Variants in DNAJC10 observed in about 807,000 individuals in gnomAD.
The protein encoded by DNAJC10 is DnaJ heat shock protein family (Hsp40) member C10.
DNAJC10 carries 101 observed loss-of-function variants against 115.0 expected under a neutral mutation model. The ratio of observed to expected loss-of-function variants is 0.88; its 90% CI spans 0.75 to 1.04. The LOEUF (loss-of-function observed/expected upper bound fraction) is 1.04, where lower values mean the gene tolerates loss of function less well. DNAJC10 is among the 50% of genes least tolerant of loss of function. DNAJC10 has a pLI of 0.00. For synonymous variants in DNAJC10, 307 were observed against 301.5 expected, an observed-to-expected ratio of 1.02 and a Z score of -0.19; for missense variants, 981 against 928.8, an observed-to-expected ratio of 1.06 and a Z score of -0.73.
rs557108088 is a variant in DNAJC10, at chr2:182,748,962, G to A, written c.1307-2696G>A. Among the ~76,000 whole-genome samples, 630 of 151,196 alleles carry A rather than the reference G, an allele frequency of 4.2e-3. 10 individuals carry two copies. The highest frequency in any genetic ancestry group is 0.014 in the African/African-American group (577 of 41,208). Reference sequence around the variant, plus strand: ...TTGTTCAGTTTCCATGTAGTTGAGCGGTTTTGAGTGAGATTCTTAATCCTG... The same window carrying A: ...TTGTTCAGTTTCCATGTAGTTGAGCAGTTTTGAGTGAGATTCTTAATCCTG... On this transcript the variant is annotated intron_variant, in intron 14 of 23. Coordinates refer to ENST00000264065, the MANE Select transcript of DNAJC10 (RefSeq NM_018981.4).
Position 182,766,312 on chromosome 2 carries a change from C to T in DNAJC10, c.2265+3511C>T, listed in dbSNP as rs182043368. Among the ~76,000 whole-genome samples the T allele has an allele frequency of 3.4e-3, 516 of 152,194 alleles. 3 individuals carry two copies. Among genetic ancestry groups the T allele is most frequent in the African/African-American group, 0.011 (475 of 41,542 alleles). On this transcript the variant is annotated intron_variant, in intron 22 of 23. Transcript: ENST00000264065. Reference sequence around the variant, plus strand: ...TGAGCATTCTTTTCTGATAAGGGACCAGGTAGCTTAGAATGAGAGCGAATA... The same window carrying T: ...TGAGCATTCTTTTCTGATAAGGGACTAGGTAGCTTAGAATGAGAGCGAATA...
chr2:182,775,476 C>G, intron 23 of DNAJC10, 56 bp downstream of exon 23: 2 of 1,077,456 alleles, frequency 1.9e-6, no homozygotes, highest in Non-Finnish European at 2.8e-6. Flanking sequence ...TTAGCAAAAT[C>G]TATTTTTCCT....
rs149348570 is a variant in DNAJC10, at chr2:182,741,857, A to G, written c.1191+501A>G. ...TGTGTGCACATGCATACATATTGTA[A>G]TGGCCATTGTAATAGACATACACGT... is the stretch of plus-strand genomic sequence containing the variant. On this transcript the variant is annotated intron_variant, in intron 13 of 23. Transcript: ENST00000264065. Among the ~76,000 whole-genome samples the G allele has an allele frequency of 7.2e-3, 1,100 of 152,198 alleles. 5 individuals carry two copies. The highest frequency in any genetic ancestry group is 0.032 in the South Asian group (153 of 4,830).
rs763908727 is a variant in DNAJC10 at position 182,762,788 on chromosome 2, A to G, written c.2252A>G (p.Tyr751Cys). The part of the protein sequence containing the change: ...RAYPTVKFYF[Y>C]ERAKRNFQEE... ...TATCCAACTGTTAAATTTTATTTCT[A>G]CGAAAGAGCAAAGGTATGTCCAGAC... Residue 751 changes from tyrosine to cysteine, a missense_variant, in exon 22 of 24, where the codon TAC becomes TGC. Physicochemically the swap from Tyr to Cys is radical, Grantham distance 194 (BLOSUM62 -2). Coordinates refer to ENST00000264065, the MANE Select transcript of DNAJC10 (RefSeq NM_018981.4). 2.5e-6 allele frequency: 4 copies of G among 1,611,894 alleles called. No homozygotes were observed. The highest frequency in any genetic ancestry group is 1.1e-5 in the South Asian group (1 of 91,018).
At chr2:182,773,777 CCTT>C (rs1694631513) in intron 22 of DNAJC10, among the ~76,000 whole-genome samples, 1 of 152,186 alleles carries the variant, frequency 6.6e-6, no homozygotes, top group South Asian at 2.1e-4. Context: ...GTTCAAACAT[CCTT>C]CTTTAGCTCA....
At chr2:182,729,227 C>T (rs7593637) in intron 7 of DNAJC10, 33,788 of 369,538 alleles carry the variant, frequency 0.091, 5,454 homozygotes, top group African/African-American at 0.46. Flanking sequence ...CGGCTCACTG[C>T]AACCTCTGCC....
In DNAJC10 at chr2:182,752,108, C is replaced by A. The variant is rs750420814; in HGVS notation, c.1471C>A (p.Arg491=). 6.2e-7 allele frequency: 1 copy of A among 1,612,594 alleles called. No homozygotes were observed. The highest frequency in any genetic ancestry group is 1.7e-5 in the Admixed American group (1 of 59,964). The stretch of plus-strand genomic sequence containing the variant: ...ATGTCGAGCTTTACTACCAGAGTTA[C>A]GAAGAGCATCAAATCTTCTTTATGG... The part of the protein sequence containing the change: ...PPCRALLPEL[R]RASNLLYGQL... Residue 491 remains arginine (R), a synonymous_variant, in exon 16 of 24, where the codon CGA becomes AGA. Coordinates refer to ENST00000264065, the MANE Select transcript of DNAJC10 (RefSeq NM_018981.4).
Position 182,789,095 on chromosome 2 carries a change from C to A in DNAJC10, c.*11963C>A, listed in dbSNP as rs1453109907. 2 of 215,154 alleles carry A rather than the reference C, an allele frequency of 9.3e-6. No individual in the cohort carries two copies. Among genetic ancestry groups the A allele is most frequent in the African/African-American group, 4.7e-5 (2 of 42,470 alleles). 13.3% of individuals were successfully genotyped at this position (215,154 alleles called of 1,614,324 possible). On this transcript the variant is annotated 3_prime_UTR_variant, in exon 24 of 24. Coordinates refer to ENST00000264065, the MANE Select transcript of DNAJC10 (RefSeq NM_018981.4). ...GCTGCTAGACCCTGACAACCACCACCCTACTTTCTATCAATATGACTACCA... is the reference window on the plus strand; with the variant it reads ...GCTGCTAGACCCTGACAACCACCACACTACTTTCTATCAATATGACTACCA...
chr2:182,757,793 T>C lies in DNAJC10; in HGVS notation c.1911T>C (p.Phe637=), dbSNP rs1694194845. The C allele has an allele frequency of 6.5e-7, 1 of 1,546,406 alleles. No individual in the cohort carries two copies. Among genetic ancestry groups the C allele is most frequent in the Admixed American group, 1.7e-5 (1 of 58,404 alleles). Residue 637 remains phenylalanine, a synonymous_variant, in exon 19 of 24, where the codon TTT becomes TTC. Transcript: ENST00000264065. Reference sequence around the variant, plus strand: ...AAAGATACCCTGAGATAAGATTTTTTCCCCCAAAATCAAATAAAGCTTATC... The same window carrying C: ...AAAGATACCCTGAGATAAGATTTTTCCCCCCAAAATCAAATAAAGCTTATC... ...NVQRYPEIRF[F]PPKSNKAYHY... is the part of the protein sequence containing the mutation.
chr2:182,760,453 C>T (rs1407562925), intron 21 of DNAJC10, among the ~76,000 whole-genome samples: 3 of 152,124 alleles, frequency 2.0e-5, no homozygotes, highest in Non-Finnish European at 2.9e-5. Context: ...TTTTATTTTT[C>T]GGTATAGCAT....
At position 182,784,477 on chromosome 2, in the gene DNAJC10, T is replaced by C. The variant is rs1283413971; in HGVS notation, c.*7345T>C. The stretch of plus-strand genomic sequence containing the variant: ...TGCAGTGTTGGCAGAACCTAGCACA[T>C]TGTTGACCCGTAGAAGCACAGTGTG... On this transcript the variant is annotated 3_prime_UTR_variant, in exon 24 of 24. Transcript: ENST00000264065. The C allele has an allele frequency of 6.6e-6, 1 of 152,108 alleles. No individual in the cohort carries two copies. Among genetic ancestry groups the C allele is most frequent in the African/African-American group, 2.4e-5 (1 of 41,428 alleles). 9.4% of individuals were successfully genotyped at this position (152,108 alleles called of 1,614,324 possible).
rs1693353845 is a variant in DNAJC10 at position 182,728,639 on chromosome 2, G to A, written c.482G>A (p.Cys161Tyr). The A allele has an allele frequency of 6.2e-7, 1 of 1,612,240 alleles. No individual in the cohort carries two copies. The highest frequency in any genetic ancestry group is 1.7e-5 in the Admixed American group (1 of 59,942). ...TTTTACTCCCCAGGCTGTTCACACT[G>A]CCATGATTTAGCTCCCACAGTATGT... ...VNFYSPGCSH[C>Y]HDLAPTWRDF... is the part of the protein sequence containing the mutation. Residue 161 changes from cysteine to tyrosine, a missense_variant, in exon 6 of 24, where the codon TGC (cysteine) becomes TAC (tyrosine). Cys to Tyr is a radical substitution (Grantham distance 194). Transcript: ENST00000264065.
At chr2:182,716,514 T>A (rs1692995683) in intron 1 of DNAJC10, 31 bp downstream of exon 1, 3 of 152,656 alleles carry the variant, frequency 2.0e-5, no homozygotes, top group Middle Eastern at 3.4e-3. Context: ...AGGGCTTTGC[T>A]GGAGCCGGTG....
intron 18 of DNAJC10, 28 bp downstream of exon 18, chr2:182,756,497 C>T (rs749164241): frequency 7.7e-5 from 121 of 1,581,588 alleles, no homozygotes; most frequent in Non-Finnish European, 9.6e-5. Flanking sequence ...TATTTTAAAT[C>T]TTAACATTTA....
At chr2:182,765,192 A>T (rs1694378630) in intron 22 of DNAJC10, among the ~76,000 whole-genome samples, 2 of 152,170 alleles carry the variant, frequency 1.3e-5, no homozygotes, top group Admixed American at 6.6e-5. Context: ...GATACTCCTG[A>T]AGAATGAGAG....
At chr2:182,757,486 T>C (rs573095079) in intron 18 of DNAJC10, among the ~76,000 whole-genome samples, 11 of 152,334 alleles carry the variant, frequency 7.2e-5, no homozygotes, top group African/African-American at 2.6e-4. Flanking sequence ...TCTGCAATAA[T>C]TTTAGTAAGT....
rs1308967647 is a variant in DNAJC10, at chr2:182,757,813, C to T, written c.1931C>T (p.Ala644Val). 3 of 1,493,436 alleles carry T rather than the reference C, an allele frequency of 2.0e-6. No homozygotes were observed. Among genetic ancestry groups the T allele is most frequent in the Admixed American group, 3.5e-5 (2 of 57,330 alleles). The allele number at this position is 1,493,436 out of a possible 1,614,324, so 92.5% of individuals were successfully genotyped here. A position where few individuals can be genotyped will look rare whatever the true frequency, so the allele number is the denominator to read the frequency against. ...TTTTTTCCCCCAAAATCAAATAAAGCTTATCATTATCAGTAAGTATTCTCT... is the reference window on the plus strand; with the variant it reads ...TTTTTTCCCCCAAAATCAAATAAAGTTTATCATTATCAGTAAGTATTCTCT... ...IRFFPPKSNK[A>V]YHYHSYNGWN... The change falls in exon 19 of 24, where the codon GCT becomes GTT. Residue 644 changes from alanine to valine, a missense_variant. Ala to Val is a moderately conservative substitution (Grantham distance 64). Transcript: ENST00000264065.
chr2:182,729,151 A>T lies in DNAJC10; in HGVS notation c.633+157A>T. 3 of 805,134 alleles carry T rather than the reference A, an allele frequency of 3.7e-6. No individual in the cohort carries two copies. In the Admixed American group the frequency reaches 9.0e-5, roughly 24 times the overall value. The allele number at this position is 805,134 out of a possible 1,614,324, so 49.9% of individuals were successfully genotyped here. A position where few individuals can be genotyped will look rare whatever the true frequency, so the allele number is the denominator to read the frequency against. On this transcript the variant is annotated intron_variant, in intron 7 of 23. Coordinates refer to ENST00000264065, the MANE Select transcript of DNAJC10 (RefSeq NM_018981.4). ...TCTGTAATAATAAACATTTTGGATT[A>T]TGAATTTTTTTTTTTGAGATGGAGT...
intron 23 of DNAJC10, among the ~76,000 whole-genome samples, chr2:182,775,801 A>G (rs947826753): frequency 1.6e-4 from 25 of 152,254 alleles, no homozygotes; most frequent in African/African-American, 5.8e-4. Context: ...GTACTGACCT[A>G]TGCTACAACA....
Sources: allele counts gnomAD v4.1 joint callset (sites outside exome capture counted in the v4.1 genomes callset), GRCh38; gene constraint gnomAD v4.1.1; transcripts MANE v1.5; gene names NCBI Gene and HGNC (gene_info 2026-07-23, HGNC 2026-07-21).